PPP2R5C: variants seen among roughly 807,000 people sequenced by gnomAD.
PPP2R5C encodes protein phosphatase 2 regulatory subunit B'gamma, also known as serine/threonine-protein phosphatase 2A 56 kDa regulatory subunit gamma isoform.
PPP2R5C carries 7 observed loss-of-function variants against 68.9 expected under a neutral mutation model. The ratio of observed to expected loss-of-function variants is 0.10; its 90% CI spans 0.06 to 0.19. The LOEUF (loss-of-function observed/expected upper bound fraction) is 0.19, where lower values mean the gene tolerates loss of function less well. PPP2R5C is among the 10% of genes least tolerant of loss of function. The pLI is 1.00. For missense variants in PPP2R5C, 348 were observed against 641.3 expected (o/e 0.54, Z 4.94); for synonymous variants, 210 against 222.2 (o/e 0.95, Z 0.49).
At chr14:101,904,408 C>T (rs898095928) in intron 9 of PPP2R5C, among the ~76,000 whole-genome samples, 1 of 152,184 alleles carries the variant, frequency 6.6e-6, no homozygotes, top group African/African-American at 2.4e-5. Flanking sequence ...CCTCGGCCTC[C>T]CAAAGTGCTG....
At chr14:101,824,066 C>T (rs1206757376) in intron 1 of PPP2R5C, 8 of 1,289,182 alleles carry the variant, frequency 6.2e-6, no homozygotes, top group Non-Finnish European at 8.1e-6. Context: ...GTTGAAGGAA[C>T]AGACTCCAGG....
rs71116853 is a variant in PPP2R5C, at chr14:101,862,816, ATTTTTTTTT to A, written c.294+5945_294+5953del. 8.1e-3 allele frequency among the ~76,000 whole-genome samples: 1,032 copies of A among 127,218 alleles called. 12 individuals carry two copies. Among genetic ancestry groups the A allele is most frequent in the African/African-American group, 0.029 (992 of 34,056 alleles). 83.5% of individuals were successfully genotyped at this position (127,218 alleles called of 152,430 possible). A position where few individuals can be genotyped will look rare whatever the true frequency, so the allele number is the denominator to read the frequency against. ...TGTCATTTACACTAAGACATGATGG[ATTTTTTTTT>A]TTTTTTTTTTTTTAGATGAGGTCTT... On this transcript the variant is annotated intron_variant, in intron 2 of 13. Coordinates refer to ENST00000334743, the Ensembl canonical transcript of PPP2R5C.
At chr14:101,904,588 C>A (rs1371538305) in intron 9 of PPP2R5C, among the ~76,000 whole-genome samples, 1 of 152,218 alleles carries the variant, frequency 6.6e-6, no homozygotes, top group Non-Finnish European at 1.5e-5. Flanking sequence ...ACCTAACTCA[C>A]TCCTTTTCTG....
intron 13 of PPP2R5C, among the ~76,000 whole-genome samples, chr14:101,919,994 C>CAAAAAAAAAAAAA (rs2046928361): frequency 2.7e-5 from 3 of 111,306 alleles, no homozygotes; most frequent in African/African-American, 9.9e-5. Context: ...AAAAAAAAAC[C>CAAAAAAAAAAAAA]AATTCTTACA....
intron 2 of PPP2R5C, among the ~76,000 whole-genome samples, chr14:101,775,765 C>A (rs1231845569): frequency 2.0e-5 from 3 of 152,182 alleles, no homozygotes; most frequent in Non-Finnish European, 4.4e-5. Flanking sequence ...AATTTCAAGG[C>A]CCTTCTGGGC....
At chr14:101,793,436 G>A (rs371355585) in intron 3 of PPP2R5C, among the ~76,000 whole-genome samples, 1 of 152,218 alleles carries the variant, frequency 6.6e-6, no homozygotes, top group African/African-American at 2.4e-5. Flanking sequence ...CGTGGGTGTG[G>A]GAACTAGCTG....
intron 3 of PPP2R5C, among the ~76,000 whole-genome samples, chr14:101,795,545 A>T (rs1245503635): frequency 6.6e-6 from 1 of 152,034 alleles, no homozygotes; most frequent in Non-Finnish European, 1.5e-5. Context: ...GGAAGAGTAA[A>T]TTAATCATGG....
intron 3 of PPP2R5C, among the ~76,000 whole-genome samples, chr14:101,793,489 C>G (rs2038461551): frequency 6.6e-6 from 1 of 152,248 alleles, no homozygotes; most frequent in Non-Finnish European, 1.5e-5. Flanking sequence ...TTACTCGCTG[C>G]TCCACCCCTC....
chr14:101,846,636 C>G (rs987561005), intron 1 of PPP2R5C, among the ~76,000 whole-genome samples: 1 of 152,134 alleles, frequency 6.6e-6, no homozygotes, highest in African/African-American at 2.4e-5. Context: ...GTTGTAGAAG[C>G]TTGGATTTAT....
chr14:101,768,515 A>AT (rs890892644), intron 2 of PPP2R5C, among the ~76,000 whole-genome samples: 12 of 149,548 alleles, frequency 8.0e-5, no homozygotes, highest in Non-Finnish European at 1.3e-4. Flanking sequence ...TGTGGAAAGA[A>AT]TTTTTTTTTT....
At chr14:101,864,040 C>T (rs1308129249) in intron 2 of PPP2R5C, among the ~76,000 whole-genome samples, 4 of 152,166 alleles carry the variant, frequency 2.6e-5, no homozygotes, top group East Asian at 1.9e-4. Context: ...TTTGAATAAT[C>T]GTCCTGCATT....
In PPP2R5C at chr14:101,783,449, G is replaced by A. The variant is rs190514017; in HGVS notation, c.94-2569G>A. ...AGAGTTGGTGGGAGCACCAGGTCAC[G>A]GTGTTGTGGGGCAGGCAGCTGGTGG... is the stretch of plus-strand genomic sequence containing the variant. On this transcript the variant is annotated intron_variant, in intron 2 of 14. Transcript: ENST00000328724. Among the ~76,000 whole-genome samples the A allele has an allele frequency of 4.0e-4, 61 of 151,714 alleles. 1 individual carries two copies. The highest frequency in any genetic ancestry group is 3.4e-3 in the Middle Eastern group (1 of 294).
intron 2 of PPP2R5C, among the ~76,000 whole-genome samples, chr14:101,771,267 T>TA (rs2037139679): frequency 9.5e-5 from 8 of 84,146 alleles, no homozygotes; most frequent in South Asian, 9.0e-4. Context: ...GTGTGTGTAT[T>TA]TTTTTGAGAC....
rs8017986 is a variant in PPP2R5C at position 101,790,856 on chromosome 14, G to A, written c.259+4673G>A. 5.8e-3 allele frequency among the ~76,000 whole-genome samples: 879 copies of A among 152,346 alleles called. 7 individuals are homozygous for A. Among genetic ancestry groups the A allele is most frequent in the African/African-American group, 0.02 (825 of 41,568 alleles). On this transcript the variant is annotated intron_variant, in intron 3 of 14. Coordinates refer to the PPP2R5C transcript ENST00000328724. ...AGCACTTCGGGAGGCCGAGGCGGGC[G>A]GATCATGAGGTCAGGAGATCAAGGC... is the stretch of plus-strand genomic sequence containing the variant.
intron 2 of PPP2R5C, among the ~76,000 whole-genome samples, chr14:101,868,057 CCTT>C: frequency 6.6e-6 from 1 of 152,108 alleles, no homozygotes; most frequent in African/African-American, 2.4e-5. Flanking sequence ...GGGGCACGTT[CCTT>C]CTTCTATTTT....
intron 2 of PPP2R5C, among the ~76,000 whole-genome samples, chr14:101,873,406 T>C (rs1330941226): frequency 6.6e-6 from 1 of 152,234 alleles, no homozygotes; most frequent in Non-Finnish European, 1.5e-5. Flanking sequence ...TGGAAATAGT[T>C]TGATCCTTTC....
At chr14:101,788,624 T>C (rs2038229268) in intron 3 of PPP2R5C, among the ~76,000 whole-genome samples, 1 of 152,238 alleles carries the variant, frequency 6.6e-6, no homozygotes, top group African/African-American at 2.4e-5. Flanking sequence ...TTCCCCAAAA[T>C]GGTAAATTCT....
intron 1 of PPP2R5C, among the ~76,000 whole-genome samples, chr14:101,814,057 C>A (rs908684345): frequency 6.6e-6 from 1 of 152,208 alleles, no homozygotes; most frequent in Non-Finnish European, 1.5e-5. Flanking sequence ...ATACATAATG[C>A]ACATGGGTTG....
chr14:101,762,309 A>C (rs1196125352), intron 1 of PPP2R5C, among the ~76,000 whole-genome samples: 1 of 152,078 alleles, frequency 6.6e-6, no homozygotes, highest in East Asian at 1.9e-4. Context: ...GCTCCCGGAA[A>C]GGAGCTTCAG....
Sources: allele counts gnomAD v4.1 joint callset (sites outside exome capture counted in the v4.1 genomes callset), GRCh38; gene constraint gnomAD v4.1.1; transcripts MANE v1.5; gene names NCBI Gene and HGNC (gene_info 2026-07-23, HGNC 2026-07-21).